The following STPG4 variants were observed in gnomAD, a reference collection of about 807,000 sequenced individuals.
STPG4 encodes sperm-tail PG-rich repeat containing 4.
In STPG4, 41 loss-of-function variants were observed where a neutral mutation model predicts 31.5. The ratio of observed to expected loss-of-function variants is 1.30; its 90% CI spans 1.01 to 1.69. The LOEUF is 1.69. STPG4 is among the 40% of genes most tolerant of loss of function. The pLI is 0.00. For synonymous variants in STPG4, 141 were observed against 103.0 expected (o/e 1.37, Z -2.24); for missense variants, 375 against 293.4 (o/e 1.28, Z -2.03).
At chr2:47,135,126 T>G (rs1435005020) in intron 3 of STPG4, among the ~76,000 whole-genome samples, 1 of 152,226 alleles carries the variant, frequency 6.6e-6, no homozygotes, top group East Asian at 1.9e-4. Context: ...TGCAAATATA[T>G]TCTCAGTTAG....
chr2:47,092,996 T>C (rs1685602053), intron 5 of STPG4, among the ~76,000 whole-genome samples: 1 of 152,206 alleles, frequency 6.6e-6, no homozygotes, highest in Non-Finnish European at 1.5e-5. Context: ...TTTCACCATA[T>C]TGGCCAGGCT....
In STPG4 at chr2:47,151,532, T is replaced by C. The variant is rs754413081; in HGVS notation, c.142-17A>G. The C allele has an allele frequency of 3.1e-5, 50 of 1,610,852 alleles. No homozygotes were observed. The Admixed American group carries it at 5.0e-4, about 16-fold the overall frequency. ...AGGAGTATCCTGTGGAAAATTGACA[T>C]CAGTTTTAAGATTGTGTAAACATGT... On this transcript the variant is annotated splice_polypyrimidine_tract_variant and intron_variant, in intron 2 of 6. Transcript: ENST00000445927.
At chr2:47,088,896 C>T (rs1280459491) in intron 6 of STPG4, among the ~76,000 whole-genome samples, 1 of 152,112 alleles carries the variant, frequency 6.6e-6, no homozygotes, top group Non-Finnish European at 1.5e-5. Flanking sequence ...CCTGGGAGGC[C>T]AGGGCAGAGA....
chr2:47,097,181 G>A (rs1013155506), intron 5 of STPG4, among the ~76,000 whole-genome samples: 1 of 152,118 alleles, frequency 6.6e-6, no homozygotes, highest in African/African-American at 2.4e-5. Context: ...AAGTTGTTAA[G>A]ACAAATGAGA....
chr2:47,115,726 C>G (rs1686139081), intron 5 of STPG4, among the ~76,000 whole-genome samples: 1 of 145,104 alleles, frequency 6.9e-6, no homozygotes, highest in East Asian at 2.0e-4. Context: ...GATCTCGGCT[C>G]ACTGCAACCT....
At chr2:47,146,609 G>T (rs922614122) in intron 3 of STPG4, among the ~76,000 whole-genome samples, 2 of 148,128 alleles carry the variant, frequency 1.4e-5, no homozygotes, top group Admixed American at 6.8e-5. Flanking sequence ...TGGAATTCAA[G>T]AAAACTATCT....
Position 47,155,250 on chromosome 2 carries a change from A to ATGG in STPG4, c.-2_1dup (p.Lys1_?0). The ATGG allele has an allele frequency of 6.2e-7, 1 of 1,614,120 alleles. No individual in the cohort carries two copies. The highest frequency in any genetic ancestry group is 8.5e-7 in the Non-Finnish European group (1 of 1,180,004). ...AGCGGTGGCGACGGCTGGCTGGTCC[A>ATGG]TGGTGGCCTCCTCTCTCTCTAGGCT... On this transcript the variant is annotated start_lost and start_retained_variant, in exon 1 of 7. Transcript: ENST00000445927.
intron 6 of STPG4, among the ~76,000 whole-genome samples, chr2:47,087,807 C>G (rs549127971): frequency 5.9e-5 from 9 of 151,956 alleles, no homozygotes; most frequent in Non-Finnish European, 8.8e-5. Context: ...GAGTGTAGTG[C>G]GCGCTATCTC....
At chr2:47,127,354 C>T (rs545659562) in intron 5 of STPG4, among the ~76,000 whole-genome samples, 6 of 142,814 alleles carry the variant, frequency 4.2e-5, no homozygotes, top group African/African-American at 1.3e-4. Context: ...CTGCAAGCTC[C>T]GCCTCCCAGG....
chr2:47,153,076 T>A (rs571619138), intron 1 of STPG4, 60 bp from the exon 2 acceptor site: 12 of 1,284,074 alleles, frequency 9.3e-6, no homozygotes, highest in Non-Finnish European at 1.1e-5. Flanking sequence ...AAATTAAATA[T>A]AATTTATAAA....
chr2:47,127,643 A>G (rs1686391911), intron 5 of STPG4, among the ~76,000 whole-genome samples: 1 of 152,204 alleles, frequency 6.6e-6, no homozygotes, highest in African/African-American at 2.4e-5. Context: ...CAGCATGTCA[A>G]TTGAATTTTT....
chr2:47,117,007 C>T (rs1199784269), intron 5 of STPG4, among the ~76,000 whole-genome samples: 2 of 152,054 alleles, frequency 1.3e-5, no homozygotes, highest in African/African-American at 4.8e-5. Flanking sequence ...ACACCTAGCG[C>T]TTTGGTTTAT....
In STPG4 at chr2:47,101,076, G is replaced by A. The variant is rs1476750478; in HGVS notation, c.520-10702C>T. ...CCGAGCAATGAGACCATCACCTATC[G>A]CCAAGCAGTGAGTACCATCGGACCC... On this transcript the variant is annotated intron_variant, in intron 5 of 6. Transcript: ENST00000445927. Among the ~76,000 whole-genome samples the A allele has an allele frequency of 6.6e-5, 10 of 151,734 alleles. 1 individual carries two copies. The highest frequency in any genetic ancestry group is 7.3e-5 in the African/African-American group (3 of 41,132).
chr2:47,147,831 A>G (rs1327630783), intron 3 of STPG4, among the ~76,000 whole-genome samples: 1 of 152,142 alleles, frequency 6.6e-6, no homozygotes, highest in African/African-American at 2.4e-5. Flanking sequence ...TATACTATTT[A>G]TCTGTTAAGA....
At chr2:47,098,890 T>G (rs13394954) in intron 5 of STPG4, among the ~76,000 whole-genome samples, 2,300 of 152,304 alleles carry the variant, frequency 0.015, 67 homozygotes, top group African/African-American at 0.052. Context: ...CAGGAAATTC[T>G]AGAATTCTGT....
At chr2:47,150,877 A>G (rs1257061912) in intron 3 of STPG4, among the ~76,000 whole-genome samples, 2 of 152,150 alleles carry the variant, frequency 1.3e-5, no homozygotes, top group Non-Finnish European at 1.5e-5. Flanking sequence ...ATGCTCTAAT[A>G]AGGATACTCC....
chr2:47,144,885 C>G (rs935755381), intron 3 of STPG4, among the ~76,000 whole-genome samples: 1 of 152,154 alleles, frequency 6.6e-6, no homozygotes, highest in African/African-American at 2.4e-5. Context: ...TGCGTGCCAC[C>G]ATGCCTGGCT....
At position 47,106,629 on chromosome 2, in the gene STPG4, G is replaced by A. The variant is rs186659201; in HGVS notation, c.520-16255C>T. Among the ~76,000 whole-genome samples, 855 of 152,044 alleles carry A rather than the reference G, an allele frequency of 5.6e-3. 7 individuals are homozygous for A. The highest frequency in any genetic ancestry group is 0.01 in the Non-Finnish European group (691 of 68,022). On this transcript the variant is annotated intron_variant, in intron 5 of 6. Coordinates refer to ENST00000445927, the MANE Select transcript of STPG4 (RefSeq NM_001163561.2). ...AAGGAGGACTCTGCACCTTCTTAGG[G>A]GAAGAGTGTTGTTTTTACACTAACC...
At chr2:47,102,758 T>A (rs1685826696) in intron 5 of STPG4, among the ~76,000 whole-genome samples, 1 of 151,810 alleles carries the variant, frequency 6.6e-6, no homozygotes, top group African/African-American at 2.4e-5. Flanking sequence ...TTATGTCCCC[T>A]TCAAGCTGTA....
Sources: gnomAD v4.1 joint callset for allele counts (sites outside exome capture counted in the v4.1 genomes callset) on GRCh38, gnomAD v4.1.1 for gene constraint, MANE v1.5 for transcripts, NCBI Gene and HGNC (gene_info 2026-07-23, HGNC 2026-07-21) for gene names.